Variants in GTF2IRD2B observed in about 807,000 individuals in gnomAD.
GTF2IRD2B encodes GTF2I repeat domain containing 2B.
A neutral mutation model predicts 55.6 loss-of-function variants in GTF2IRD2B; 10 were observed. That is an observed-to-expected ratio of 0.18 (90% CI 0.11 to 0.31). The LOEUF is 0.31. Ranked by LOEUF, GTF2IRD2B falls within the 10% of genes least tolerant of loss-of-function variation. The pLI, the probability that GTF2IRD2B is intolerant of heterozygous loss-of-function variation, is 1.00. For missense variants in GTF2IRD2B, 206 were observed against 802.7 expected, an observed-to-expected ratio of 0.26 and a Z score of 8.98; for synonymous variants, 107 against 320.5, an observed-to-expected ratio of 0.33 and a Z score of 7.12.
intron 3 of GTF2IRD2B, among the ~76,000 whole-genome samples, chr7:75,117,522 A>G (rs1415683430): frequency 1.3e-5 from 2 of 152,296 alleles, no homozygotes; most frequent in Non-Finnish European, 2.9e-5. Flanking sequence ...TGACACCCCC[A>G]CCACACACAG....
chr7:75,145,825 G>T lies in GTF2IRD2B; in HGVS notation c.1246+1847G>T, dbSNP rs1219875530. Among the ~76,000 whole-genome samples the T allele has an allele frequency of 1.9e-3, 239 of 123,740 alleles. 1 individual carries two copies. Among genetic ancestry groups the T allele is most frequent in the African/African-American group, 6.9e-3 (224 of 32,500 alleles). 81.2% of individuals were successfully genotyped at this position (123,740 alleles called of 152,430 possible). On this transcript the variant is annotated intron_variant, in intron 15 of 15. Coordinates refer to ENST00000472837, the MANE Select transcript of GTF2IRD2B (RefSeq NM_001003795.3). ...GCATCTGATTGCTAAATGATTTTTTGATCTTTTATAATATCTTTATTTATT... is the reference window on the plus strand; with the variant it reads ...GCATCTGATTGCTAAATGATTTTTTTATCTTTTATAATATCTTTATTTATT...
chr7:75,104,922 C>A (rs1371069868), intron 1 of GTF2IRD2B, among the ~76,000 whole-genome samples: 3 of 152,402 alleles, frequency 2.0e-5, no homozygotes, highest in African/African-American at 7.2e-5. Flanking sequence ...CGGCTGGGCG[C>A]GGTGGCTCAC....
chr7:75,136,298 GTTTT>G (rs55650547), intron 10 of GTF2IRD2B, among the ~76,000 whole-genome samples: 1 of 118,170 alleles, frequency 8.5e-6, no homozygotes, highest in Non-Finnish European at 1.7e-5. Context: ...AAATGATTCT[GTTTT>G]TTTTTTTTTT....
intron 15 of GTF2IRD2B, among the ~76,000 whole-genome samples, chr7:75,145,799 C>T (rs1486145219): frequency 1.8e-4 from 24 of 136,184 alleles, no homozygotes; most frequent in Middle Eastern, 3.6e-3. Context: ...TATTCCCAAA[C>T]GCATCTGATT....
At chr7:75,137,198 A>C (rs1397897764) in intron 11 of GTF2IRD2B, among the ~76,000 whole-genome samples, 1 of 149,572 alleles carries the variant, frequency 6.7e-6, no homozygotes, top group African/African-American at 2.5e-5. Context: ...GCGAGATTCC[A>C]TCTAAAAAAA....
At chr7:75,092,937 T>C (rs1177421761) in intron 1 of GTF2IRD2B, among the ~76,000 whole-genome samples, 172 bp downstream of exon 1, 5 of 151,664 alleles carry the variant, frequency 3.3e-5, no homozygotes, top group African/African-American at 1.2e-4. Context: ...CGAACCCCGA[T>C]CCCTGCTGGC....
At chr7:75,104,411 G>A (rs1473016815) in intron 1 of GTF2IRD2B, among the ~76,000 whole-genome samples, 1 of 151,970 alleles carries the variant, frequency 6.6e-6, no homozygotes, top group Admixed American at 6.6e-5. Context: ...GAGCCACCAC[G>A]CCGGCCCCAT....
At chr7:75,101,612 G>A (rs1362692057) in intron 1 of GTF2IRD2B, among the ~76,000 whole-genome samples, 1 of 150,066 alleles carries the variant, frequency 6.7e-6, no homozygotes, top group Non-Finnish European at 1.5e-5. Context: ...AAAAAATAGG[G>A]GTGGGCATAG....
intron 1 of GTF2IRD2B, among the ~76,000 whole-genome samples, chr7:75,104,305 G>C (rs1554421511): frequency 8.1e-5 from 12 of 148,228 alleles, no homozygotes; most frequent in Non-Finnish European, 1.2e-4. Context: ...AGTAGAGAAG[G>C]GGGGGGTCTC....
intron 1 of GTF2IRD2B, among the ~76,000 whole-genome samples, chr7:75,105,994 G>C (rs1438172955): frequency 6.6e-6 from 1 of 152,310 alleles, no homozygotes; most frequent in African/African-American, 2.4e-5. Flanking sequence ...GTCCACGAAA[G>C]TCATGTGGCC....
At chr7:75,119,156 T>TGCACTCCA (rs1808270363) in intron 3 of GTF2IRD2B, among the ~76,000 whole-genome samples, 1 of 103,690 alleles carries the variant, frequency 9.6e-6, no homozygotes, top group South Asian at 3.7e-4. Context: ...ATCATGCCAT[T>TGCACTCCA]GCACTCCAGC....
At chr7:75,102,406 A>G (rs1343897503) in intron 1 of GTF2IRD2B, among the ~76,000 whole-genome samples, 2 of 151,434 alleles carry the variant, frequency 1.3e-5, no homozygotes, top group African/African-American at 4.8e-5. Flanking sequence ...AGATTTCCCT[A>G]TTCTAGAAAT....
intron 8 of GTF2IRD2B, among the ~76,000 whole-genome samples, chr7:75,132,554 T>C (rs1286650696): frequency 2.5e-5 from 3 of 119,308 alleles, no homozygotes; most frequent in African/African-American, 3.7e-5. Flanking sequence ...CCTTCTTTTT[T>C]TTTTTTTTTT....
chr7:75,148,149 C>T lies in GTF2IRD2B; in HGVS notation c.1702C>T (p.Arg568Cys), dbSNP rs782149057. The T allele has an allele frequency of 1.2e-6, 2 of 1,613,328 alleles. No homozygotes were observed. The highest frequency in any genetic ancestry group is 2.2e-5 in the East Asian group (1 of 44,854). Reference protein sequence around the residue: ...NNTTQLAIFIRGVDENFDVSE... With the variant: ...NNTTQLAIFICGVDENFDVSE... Reference sequence around the variant, plus strand: ...TACCACCCAGTTGGCCATATTCATCCGTGGTGTCGATGAGAATTTCGATGT... The same window carrying T: ...TACCACCCAGTTGGCCATATTCATCTGTGGTGTCGATGAGAATTTCGATGT... Residue 568 changes from arginine to cysteine, a missense_variant, in exon 16 of 16, where the codon CGT becomes TGT. Transcript: ENST00000472837.
chr7:75,103,380 C>T (rs1212667952), intron 1 of GTF2IRD2B, among the ~76,000 whole-genome samples: 5 of 151,214 alleles, frequency 3.3e-5, no homozygotes, highest in African/African-American at 1.2e-4. Context: ...GCATGTGGTC[C>T]CGTGGGGACC....
In GTF2IRD2B at chr7:75,115,454, C is replaced by T. The variant is rs1221427429; in HGVS notation, c.238+2919C>T. Among the ~76,000 whole-genome samples, 7 of 146,980 alleles carry T rather than the reference C, an allele frequency of 4.8e-5. 1 individual carries two copies. The highest frequency in any genetic ancestry group is 1.1e-4 in the Non-Finnish European group (7 of 66,586). On this transcript the variant is annotated intron_variant, in intron 3 of 15. Transcript: ENST00000472837. ...TTTTTTTTTTTTTGAGACAGAATCT[C>T]GCTCTATCGCCCAGGCTGGAGTGCA...
intron 8 of GTF2IRD2B, among the ~76,000 whole-genome samples, chr7:75,130,664 G>GAACA (rs1808645859): frequency 6.8e-6 from 1 of 147,328 alleles, no homozygotes; most frequent in Non-Finnish European, 1.5e-5. Flanking sequence ...TTTTAATAGA[G>GAACA]ACGGGGTTTC....
rs1427853732 is a variant in GTF2IRD2B, at chr7:75,112,097, C to T, written c.100-300C>T. Among the ~76,000 whole-genome samples, 19 of 27,656 alleles carry T rather than the reference C, an allele frequency of 6.9e-4. 3 individuals are homozygous for T. The highest frequency in any genetic ancestry group is 1.5e-3 in the African/African-American group (19 of 12,912). 18.1% of individuals were successfully genotyped at this position (27,656 alleles called of 152,430 possible). A position where few individuals can be genotyped will look rare whatever the true frequency, so the allele number is the denominator to read the frequency against. On this transcript the variant is annotated intron_variant, in intron 2 of 15. Transcript: ENST00000472837. ...TCTCTACTAAAAATACACACACACA[C>T]ACACACACACACACACACACAAATT...
intron 15 of GTF2IRD2B, among the ~76,000 whole-genome samples, chr7:75,147,458 T>A (rs1424334657): frequency 2.2e-4 from 33 of 151,858 alleles, no homozygotes; most frequent in Non-Finnish European, 4.9e-4. Flanking sequence ...AAAAATTCAG[T>A]CTTCAGGTTT....
Sources: gnomAD v4.1 joint callset for allele counts (sites outside exome capture counted in the v4.1 genomes callset) on GRCh38, gnomAD v4.1.1 for gene constraint, MANE v1.5 for transcripts, NCBI Gene and HGNC (gene_info 2026-07-23, HGNC 2026-07-21) for gene names.